Variants in NIN observed in about 807,000 individuals in gnomAD.
NIN encodes the protein ninein, also known as glycogen synthase kinase 3 beta-interacting protein.
A neutral mutation model predicts 257.6 loss-of-function variants in NIN; 137 were observed. The observed-to-expected ratio is 0.53, with a 90% confidence interval of 0.46 to 0.61. NIN has a LOEUF of 0.61. Ranked by LOEUF, NIN falls within the 20% of genes least tolerant of loss-of-function variation. The pLI is 0.00. For synonymous variants in NIN, 918 were observed against 919.8 expected, an observed-to-expected ratio of 1.00 and a Z score of 0.04; for missense variants, 2,439 against 2,501.2, an observed-to-expected ratio of 0.98 and a Z score of 0.53.
At chr14:50,809,291 T>G (rs10145182) in intron 3 of NIN, among the ~76,000 whole-genome samples, 1 of 151,910 alleles carries the variant, frequency 6.6e-6, no homozygotes, top group African/African-American at 2.4e-5. Flanking sequence ...GTGACCAAGA[T>G]AGCCAAGAGT....
chr14:50,734,283 G>T (rs2040866842), intron 28 of NIN, among the ~76,000 whole-genome samples: 1 of 151,708 alleles, frequency 6.6e-6, no homozygotes, highest in Admixed American at 6.6e-5. Flanking sequence ...GTAGAGACAG[G>T]GTTTCACTAT....
At chr14:50,771,703 T>C (rs1037710732) in intron 9 of NIN, among the ~76,000 whole-genome samples, 2 of 152,034 alleles carry the variant, frequency 1.3e-5, no homozygotes, top group African/African-American at 4.8e-5. Flanking sequence ...AAAATTATCT[T>C]GGCCAGGTGC....
chr14:50,759,546 T>G (rs1053263810), intron 17 of NIN, among the ~76,000 whole-genome samples: 3 of 151,086 alleles, frequency 2.0e-5, no homozygotes, highest in Admixed American at 6.6e-5. Flanking sequence ...CAGGCTGGAG[T>G]GCAGTAGCGC....
chr14:50,808,189 G>T lies in NIN; in HGVS notation c.184-1371C>A, dbSNP rs554254625. Among the ~76,000 whole-genome samples, 186 of 152,316 alleles carry T rather than the reference G, an allele frequency of 1.2e-3. 1 individual carries two copies. Among genetic ancestry groups the T allele is most frequent in the African/African-American group, 4.2e-3 (174 of 41,578 alleles). Reference sequence around the variant, plus strand: ...AGGCACAATCTTTGAAAGGGTAAACGACTGTAGAAAGGTAGGCTATGTTAA... The same window carrying T: ...AGGCACAATCTTTGAAAGGGTAAACTACTGTAGAAAGGTAGGCTATGTTAA... On this transcript the variant is annotated intron_variant, in intron 3 of 30. Transcript: ENST00000530997.
chr14:50,803,934 T>A (rs1170122000), intron 4 of NIN, among the ~76,000 whole-genome samples: 1 of 150,324 alleles, frequency 6.7e-6, no homozygotes, highest in African/African-American at 2.4e-5. Context: ...TCTCACTCTG[T>A]CACCGAGGAT....
intron 30 of NIN, among the ~76,000 whole-genome samples, chr14:50,724,535 T>C (rs2040341758): frequency 6.6e-6 from 1 of 152,156 alleles, no homozygotes; most frequent in Non-Finnish European, 1.5e-5. Context: ...AATACAACTT[T>C]TTTTCCTCCC....
intron 5 of NIN, among the ~76,000 whole-genome samples, chr14:50,782,687 CTATT>C (rs1374381391): frequency 3.3e-5 from 5 of 152,246 alleles, no homozygotes; most frequent in Non-Finnish European, 7.3e-5. Context: ...ACAACTCTCA[CTATT>C]TATTTGCCCA....
rs372405689 is a variant in NIN, at chr14:50,723,562, C to A, written c.6303G>T (p.Lys2101Asn). The change falls in exon 31 of 31, where the codon AAG becomes AAT. Residue 2101 changes from lysine (K) to asparagine (N), a missense_variant. Lys to Asn is a moderately conservative substitution (Grantham distance 94, BLOSUM62 0). This residue lies in a region of NIN where 2,043 missense variants were observed against 2,050.2 expected (regional missense o/e 1.00). Transcript: ENST00000530997. ...TCTTCTCCTCCAGGAGGTAATTTTT[C>A]TTCTCTGCTGTTTTCTGTCGCTGTT... ...VTEQRQKTAE[K>N]KNYLLEEKIA... 6.2e-7 allele frequency: 1 copy of A among 1,613,920 alleles called. No individual in the cohort carries two copies. The highest frequency in any genetic ancestry group is 1.3e-5 in the African/African-American group (1 of 75,010).
rs139569558 is a variant in NIN, at chr14:50,739,344, C to T, written c.5592G>A (p.Gln1864=). Residue 1864 remains glutamine (Q), a synonymous_variant, in exon 26 of 31, where the codon CAG becomes CAA. Transcript: ENST00000530997. ...AGTGCGTGAGTTCGGCTTTGGTGTT[C>T]TGTACCATGGTCTGGAGCCTCTCAT... ...QENERLQTMV[Q]NTKAELTHSR... 1.5e-5 allele frequency: 24 copies of T among 1,614,224 alleles called. No homozygotes were observed. The highest frequency in any genetic ancestry group is 1.3e-4 in the African/African-American group (10 of 75,058).
At chr14:50,805,099 A>G (rs1175367232) in intron 4 of NIN, among the ~76,000 whole-genome samples, 4 of 152,198 alleles carry the variant, frequency 2.6e-5, no homozygotes, top group Non-Finnish European at 4.4e-5. Flanking sequence ...TAGCGGCAGG[A>G]CCGCCTGTTC....
chr14:50,770,372 C>A lies in NIN; in HGVS notation c.1434+16G>T. On this transcript the variant is annotated intron_variant, in intron 12 of 30. Transcript: ENST00000530997. ...CCCGGCAGGGACGCAGACCACAGAA[C>A]TAATAAGATGATTACCTTTAAAGAG... 6.2e-7 allele frequency: 1 copy of A among 1,613,052 alleles called. No homozygotes were observed. The highest frequency in any genetic ancestry group is 8.5e-7 in the Non-Finnish European group (1 of 1,179,442).
rs1209168099 is a variant in NIN, at chr14:50,743,485, C to T, written c.5232G>A (p.Lys1744=). 3.7e-6 allele frequency: 6 copies of T among 1,613,674 alleles called. No homozygotes were observed. The highest frequency in any genetic ancestry group is 4.2e-6 in the Non-Finnish European group (5 of 1,179,740). Residue 1744 remains lysine, a synonymous_variant, in exon 24 of 31, where the codon AAG becomes AAA. Coordinates refer to ENST00000530997, the MANE Select transcript of NIN (RefSeq NM_020921.4). ...SLLEHRIATM[K]QEQKSWEHQS... is the part of the protein sequence containing the mutation. ...GATGTTCCCAGGATTTCTGTTCCTG[C>T]TTCATCGTCGCAATTCTATGCTCTA...
chr14:50,747,811 C>T (rs1411162879), intron 22 of NIN, among the ~76,000 whole-genome samples, 181 bp downstream of exon 22: 1 of 151,990 alleles, frequency 6.6e-6, no homozygotes, highest in African/African-American at 2.4e-5. Context: ...TAGCAATAGC[C>T]TTTACAGATA....
At chr14:50,751,220 GCTGCAGTGAGTAACCCT>G (rs1230511505) in intron 21 of NIN, among the ~76,000 whole-genome samples, 6 of 152,168 alleles carry the variant, frequency 3.9e-5, no homozygotes, top group Non-Finnish European at 7.3e-5. Flanking sequence ...TAGAAACAGT[GCTGCAGTGAGTAACCCT>G]CTGCATATGA....
rs996423537 is a variant in NIN at position 50,758,305 on chromosome 14, C to G, written c.2725G>C (p.Val909Leu). ...TGGAGTAGCTGCTGTCTCTCGACGA[C>G]CATGCTGTTCAAATGTTCTTTGTAT... ...KTYKEHLNSM[V>L]VERQQLLQDL... Residue 909 changes from valine to leucine, a missense_variant, in exon 18 of 31, where the codon GTC becomes CTC. Physicochemically the swap from Val to Leu is conservative, Grantham distance 32 (BLOSUM62 1). Transcript: ENST00000530997. 1.9e-6 allele frequency: 3 copies of G among 1,614,230 alleles called. No individual in the cohort carries two copies. The highest frequency in any genetic ancestry group is 2.2e-5 in the East Asian group (1 of 44,880).
intron 2 of NIN, among the ~76,000 whole-genome samples, chr14:50,825,881 A>G (rs1595957070): frequency 6.6e-6 from 1 of 152,218 alleles, no homozygotes; most frequent in African/African-American, 2.4e-5. Flanking sequence ...TGATCCATTT[A>G]TTGAATAATT....
chr14:50,809,892 GAAAGAAACACATGGGATCA>G (rs1035467316), intron 3 of NIN, among the ~76,000 whole-genome samples: 1 of 152,052 alleles, frequency 6.6e-6, no homozygotes. Flanking sequence ...AGACAACCAG[GAAAGAAACACATGGGATCA>G]AAAGCTGAGG....
rs753427634 is a variant in NIN at position 50,723,211 on chromosome 14, G to A, written c.*252C>T. 8.2e-5 allele frequency: 29 copies of A among 353,326 alleles called. No individual in the cohort carries two copies. Among genetic ancestry groups the A allele is most frequent in the Admixed American group, 3.1e-4 (7 of 22,676 alleles). The allele number at this position is 353,326 out of a possible 1,614,324, so 21.9% of individuals were successfully genotyped here. ...TTTTTAGGTTCTTGAATTTTCATAT[G>A]TCCACATTCTTGGTGGCTATTAAAA... On this transcript the variant is annotated 3_prime_UTR_variant, in exon 31 of 31. Transcript: ENST00000530997.
chr14:50,739,441 T>C lies in NIN; in HGVS notation c.5495A>G (p.Gln1832Arg), dbSNP rs1208921896. The change falls in exon 26 of 31, where the codon CAG (glutamine) becomes CGG (arginine). Residue 1832 changes from glutamine to arginine, a missense_variant. Gln to Arg is a conservative substitution (Grantham distance 43). Transcript: ENST00000530997. ...CTTGTCCCAGGACAGCCTTTTCTGC[T>C]GGTTATGGAGCCCTGATGGATGAGT... ...IATHPSGLHNQQKRLSWDKLD... is the reference protein window; with the variant it reads ...IATHPSGLHNRQKRLSWDKLD... 6.2e-7 allele frequency: 1 copy of C among 1,614,110 alleles called. No homozygotes were observed. Among genetic ancestry groups the C allele is most frequent in the South Asian group, 1.1e-5 (1 of 91,092 alleles).
Sources: gnomAD v4.1 joint callset for allele counts (sites outside exome capture counted in the v4.1 genomes callset) on GRCh38, gnomAD v4.1.1 for gene constraint, gnomAD v4.1.1 regional missense constraint, MANE v1.5 for transcripts, NCBI Gene and HGNC (gene_info 2026-07-23, HGNC 2026-07-21) for gene names.